The following CSMD1 variants were observed in gnomAD, a reference collection of about 807,000 sequenced individuals.
CSMD1 encodes the protein CUB and Sushi multiple domains 1, also known as CUB and sushi domain-containing protein 1.
In CSMD1, 213 loss-of-function variants were observed where a neutral mutation model predicts 417.5. The observed-to-expected ratio is 0.51, with a 90% CI of 0.46 to 0.57. The LOEUF (loss-of-function observed/expected upper bound fraction) is 0.57. CSMD1 is among the 20% of genes least tolerant of loss of function. The pLI is 0.00. For missense variants in CSMD1, 6,923 were observed against 4,529.7 expected, an observed-to-expected ratio of 1.53 and a Z score of -15.17; for synonymous variants, 2,862 against 1,736.8, an observed-to-expected ratio of 1.65 and a Z score of -16.11.
chr8:4,725,764 T>G (rs1385762213), intron 1 of CSMD1, among the ~76,000 whole-genome samples: 1 of 152,126 alleles, frequency 6.6e-6, no homozygotes, highest in Non-Finnish European at 1.5e-5. Context: ...GCTGGTACCT[T>G]GAGTTACACA....
intron 5 of CSMD1, among the ~76,000 whole-genome samples, chr8:3,920,468 T>C (rs546945735): frequency 6.6e-6 from 1 of 152,256 alleles, no homozygotes; most frequent in African/African-American, 2.4e-5. Flanking sequence ...GAGTGCCTTT[T>C]ATTCTTTTAC....
intron 30 of CSMD1, 52 bp from the exon 31 acceptor site, chr8:3,205,672 G>T: frequency 2.4e-6 from 2 of 832,508 alleles, no homozygotes; most frequent in South Asian, 1.6e-5. Context: ...TAGCGCAGGT[G>T]ATAGGTGAGC....
At chr8:4,330,676 A>C in intron 3 of CSMD1, among the ~76,000 whole-genome samples, 1 of 151,712 alleles carries the variant, frequency 6.6e-6, no homozygotes, top group African/African-American at 2.4e-5. Flanking sequence ...TAAGTTTTAC[A>C]CTCCTAGGTG....
intron 3 of CSMD1, among the ~76,000 whole-genome samples, chr8:4,187,890 C>G (rs766407722): frequency 2.0e-5 from 3 of 152,032 alleles, no homozygotes; most frequent in Non-Finnish European, 4.4e-5. Flanking sequence ...CATGGCAGCA[C>G]TGGCATGATA....
intron 2 of CSMD1, among the ~76,000 whole-genome samples, chr8:4,474,843 A>G (rs1013981578): frequency 6.6e-6 from 1 of 152,142 alleles, no homozygotes; most frequent in South Asian, 2.1e-4. Context: ...AATAGTAAAT[A>G]TATTTTCTCT....
intron 3 of CSMD1, among the ~76,000 whole-genome samples, chr8:4,365,577 T>C (rs1802022930): frequency 6.6e-6 from 1 of 152,232 alleles, no homozygotes. Context: ...ATTGATGATA[T>C]CAAGCAGATA....
chr8:3,854,138 T>C (rs1006990098), intron 5 of CSMD1, among the ~76,000 whole-genome samples: 1 of 135,746 alleles, frequency 7.4e-6, no homozygotes, highest in African/African-American at 3.0e-5. Context: ...ATATATAAAC[T>C]CTATTAAAGT....
In CSMD1 at chr8:4,262,187, C is replaced by G. The variant is rs73500611; in HGVS notation, c.415+157766G>C. Among the ~76,000 whole-genome samples, 223 of 152,288 alleles carry G rather than the reference C, an allele frequency of 1.5e-3. 2 individuals carry two copies. The highest frequency in any genetic ancestry group is 5.1e-3 in the African/African-American group (214 of 41,560). ...TTCAGAGTCATTTGCTTTTGACTCT[C>G]TTGGGTGAATTTCAGCCTGTGGACT... On this transcript the variant is annotated intron_variant, in intron 3 of 69. Coordinates refer to ENST00000635120, the MANE Select transcript of CSMD1 (RefSeq NM_033225.6).
intron 52 of CSMD1, among the ~76,000 whole-genome samples, chr8:3,012,207 C>T (rs1238745274): frequency 1.3e-5 from 2 of 152,224 alleles, no homozygotes; most frequent in African/African-American, 4.8e-5. Flanking sequence ...TACATGCACA[C>T]TCCAATTTCT....
chr8:3,743,701 G>T (rs1000071836), intron 6 of CSMD1, among the ~76,000 whole-genome samples: 1 of 152,060 alleles, frequency 6.6e-6, no homozygotes. Context: ...TTCCCATAAA[G>T]ACATTCCTAG....
intron 1 of CSMD1, among the ~76,000 whole-genome samples, chr8:4,911,664 G>A (rs1479976819): frequency 6.6e-6 from 1 of 152,004 alleles, no homozygotes; most frequent in South Asian, 2.1e-4. Context: ...TAACTACTTC[G>A]AAGTCTGCAT....
intron 6 of CSMD1, among the ~76,000 whole-genome samples, chr8:3,734,651 C>G (rs905838245): frequency 6.6e-6 from 1 of 152,150 alleles, no homozygotes; most frequent in African/African-American, 2.4e-5. Context: ...GCGGAGGTCG[C>G]AGTGAGCCAA....
At chr8:4,290,639 G>A (rs988493039) in intron 3 of CSMD1, among the ~76,000 whole-genome samples, 1 of 152,192 alleles carries the variant, frequency 6.6e-6, no homozygotes, top group Admixed American at 6.5e-5. Context: ...GATTCCTTGT[G>A]AGAAGTATAT....
chr8:4,414,607 A>G (rs928536660), intron 3 of CSMD1, among the ~76,000 whole-genome samples: 1 of 151,716 alleles, frequency 6.6e-6, no homozygotes, highest in African/African-American at 2.4e-5. Context: ...GATTTTTTTT[A>G]AACTTCTGCA....
At chr8:4,719,295 T>G (rs1257021100) in intron 1 of CSMD1, among the ~76,000 whole-genome samples, 1 of 152,188 alleles carries the variant, frequency 6.6e-6, no homozygotes, top group African/African-American at 2.4e-5. Context: ...GATAAATAAA[T>G]GAAGCCTAAT....
chr8:3,012,593 A>G (rs1020942344), intron 52 of CSMD1, among the ~76,000 whole-genome samples: 1 of 152,258 alleles, frequency 6.6e-6, no homozygotes, highest in Non-Finnish European at 1.5e-5. Context: ...TTGTCAAAAA[A>G]TCTTGCACCA....
At chr8:4,739,459 T>C (rs1166375161) in intron 1 of CSMD1, among the ~76,000 whole-genome samples, 1 of 152,244 alleles carries the variant, frequency 6.6e-6, no homozygotes, top group Non-Finnish European at 1.5e-5. Context: ...ATGTGAATAT[T>C]ATCTAATTGA....
At chr8:3,552,926 G>A (rs1335542081) in intron 10 of CSMD1, among the ~76,000 whole-genome samples, 1 of 152,070 alleles carries the variant, frequency 6.6e-6, no homozygotes, top group Non-Finnish European at 1.5e-5. Context: ...TCGGAAATCT[G>A]TTATAATTTT....
chr8:3,257,458 A>C (rs904032897), intron 26 of CSMD1, among the ~76,000 whole-genome samples: 1 of 152,196 alleles, frequency 6.6e-6, no homozygotes, highest in African/African-American at 2.4e-5. Context: ...TACAAAATAC[A>C]ACCAAGTAAT....
Sources: gnomAD v4.1 joint callset for allele counts (sites outside exome capture counted in the v4.1 genomes callset) on GRCh38, gnomAD v4.1.1 for gene constraint, MANE v1.5 for transcripts, NCBI Gene and HGNC (gene_info 2026-07-23, HGNC 2026-07-21) for gene names.